Variants in RGPD4 observed in about 807,000 individuals in gnomAD.
The protein encoded by RGPD4 is ranBP2-like and GRIP domain-containing protein 4.
A neutral mutation model predicts 141.1 loss-of-function variants in RGPD4; 84 were observed. The observed-to-expected ratio is 0.60, with a 90% CI of 0.50 to 0.71. The LOEUF (loss-of-function observed/expected upper bound fraction) is 0.71. RGPD4 is among the 30% of genes least tolerant of loss of function. The probability of loss-of-function intolerance (pLI) is 0.00; values close to 1 mark genes in which losing one functional copy is unlikely to be tolerated. For missense variants in RGPD4, 918 were observed against 1,622.4 expected (o/e 0.57, Z 7.46); for synonymous variants, 298 against 566.8 (o/e 0.53, Z 6.74).
intron 1 of RGPD4, 102 bp from the exon 2 acceptor site, chr2:107,836,500 G>A (rs1380564702): frequency 1.4e-4 from 142 of 1,024,702 alleles, no homozygotes; most frequent in South Asian, 2.7e-4. Flanking sequence ...GAATGAAAAT[G>A]GCATATTTGA....
intron 6 of RGPD4, among the ~76,000 whole-genome samples, chr2:107,846,264 C>A (rs936225016): frequency 9.9e-5 from 15 of 150,838 alleles, no homozygotes; most frequent in Admixed American, 3.3e-4. Flanking sequence ...TCTACCTTGG[C>A]CTCCCAAAGT....
chr2:107,855,540 G>A lies in RGPD4; in HGVS notation c.1066+897G>A, dbSNP rs1010117163. On this transcript the variant is annotated intron_variant, in intron 8 of 22. Transcript: ENST00000408999. The stretch of plus-strand genomic sequence containing the variant: ...TTTATGTCTTTGATCTGGGCATCCC[G>A]AGGGTGCCTCTGTAAGTGTGCTGAG... 4.6e-5 allele frequency among the ~76,000 whole-genome samples: 7 copies of A among 151,868 alleles called. No individual in the cohort carries two copies. In the South Asian group the frequency reaches 8.3e-4, roughly 18 times the overall value.
chr2:107,852,283 ATGATT>A (rs1180863757), intron 7 of RGPD4, among the ~76,000 whole-genome samples: 1 of 151,476 alleles, frequency 6.6e-6, no homozygotes, highest in Non-Finnish European at 1.5e-5. Context: ...GTGAATTGAG[ATGATT>A]TGATTGAGTG....
intron 20 of RGPD4, among the ~76,000 whole-genome samples, chr2:107,878,396 A>G (rs551867113): frequency 7.0e-6 from 1 of 143,002 alleles, no homozygotes; most frequent in Admixed American, 6.9e-5. Flanking sequence ...GGGAGAAGGC[A>G]TGGGACAACT....
At chr2:107,849,435 C>T (rs1308498350) in intron 7 of RGPD4, among the ~76,000 whole-genome samples, 1 of 138,274 alleles carries the variant, frequency 7.2e-6, no homozygotes, top group Non-Finnish European at 1.5e-5. Context: ...GGCACGATCT[C>T]GGCTCACTGC....
chr2:107,826,953 G>A lies in RGPD4; in HGVS notation c.-61G>A. The A allele has an allele frequency of 6.4e-7, 1 of 1,556,302 alleles. No individual in the cohort carries two copies. The highest frequency in any genetic ancestry group is 8.7e-7 in the Non-Finnish European group (1 of 1,150,972). On this transcript the variant is annotated 5_prime_UTR_variant, in exon 1 of 23. Transcript: ENST00000408999. ...TTTCAGGCGCTTTCCTGTTGGAATT[G>A]GCGACTGCTGCGGGGCTGAGCGCTG...
At chr2:107,884,244 G>A in intron 22 of RGPD4, among the ~76,000 whole-genome samples, 1 of 152,006 alleles carries the variant, frequency 6.6e-6, no homozygotes, top group Admixed American at 6.6e-5. Flanking sequence ...CCAAGTAGCT[G>A]GGACTACAGA....
At chr2:107,845,862 C>G (rs1390864062) in intron 6 of RGPD4, among the ~76,000 whole-genome samples, 10 of 151,552 alleles carry the variant, frequency 6.6e-5, no homozygotes, top group Non-Finnish European at 1.5e-4. Context: ...CCGCGCCCAG[C>G]CCACACCTGG....
intron 1 of RGPD4, among the ~76,000 whole-genome samples, chr2:107,835,641 C>T (rs1257645650): frequency 1.3e-5 from 2 of 149,858 alleles, no homozygotes; most frequent in East Asian, 2.0e-4. Flanking sequence ...ACCTTTCCTC[C>T]CCAAAGAAAG....
intron 22 of RGPD4, among the ~76,000 whole-genome samples, chr2:107,887,624 A>G (rs1424151193): frequency 7.2e-6 from 1 of 138,294 alleles, no homozygotes; most frequent in African/African-American, 2.8e-5. Context: ...AGCGTGTTAC[A>G]ACTCTGCGTT....
rs1005046993 is a variant in RGPD4, at chr2:107,890,664, A to G, written c.5267-57A>G. 1.7e-5 allele frequency: 25 copies of G among 1,472,302 alleles called. No individual in the cohort carries two copies. The African/African-American group carries it at 2.8e-4, about 17-fold the overall frequency. The allele number at this position is 1,472,302 out of a possible 1,614,324, so 91.2% of individuals were successfully genotyped here. A position where few individuals can be genotyped will look rare whatever the true frequency, so the allele number is the denominator to read the frequency against. ...AGAGTGGTTCTAAAATATAGATTTT[A>G]CATTGAGAAATTTTAATACTCTCTT... On this transcript the variant is annotated intron_variant, in intron 22 of 22. Coordinates refer to ENST00000408999, the MANE Select transcript of RGPD4 (RefSeq NM_182588.3).
At chr2:107,829,853 G>A (rs887164747) in intron 1 of RGPD4, among the ~76,000 whole-genome samples, 1 of 152,064 alleles carries the variant, frequency 6.6e-6, no homozygotes, top group South Asian at 2.1e-4. Context: ...GCACCCGGGT[G>A]CTGTATCGGC....
chr2:107,845,692 T>G (rs1024534022), intron 6 of RGPD4, among the ~76,000 whole-genome samples: 1 of 152,252 alleles, frequency 6.6e-6, no homozygotes, highest in African/African-American at 2.4e-5. Flanking sequence ...GCCTCCTGAG[T>G]AGCTGGGACT....
chr2:107,872,038 T>C lies in RGPD4; in HGVS notation c.4034T>C (p.Val1345Ala), dbSNP rs759324994. 6.2e-7 allele frequency: 1 copy of C among 1,611,522 alleles called. No homozygotes were observed. The highest frequency in any genetic ancestry group is 1.1e-5 in the South Asian group (1 of 90,978). ...FEPVVPLPDL[V>A]EVSSGEENEK... ...CCTGTTGTTCCTTTACCTGATCTAG[T>C]TGAAGTATCCAGTGGTGAGGAAAAT... The change falls in exon 20 of 23, where the codon GTT (valine) becomes GCT (alanine). Residue 1345 changes from valine (V) to alanine (A), a missense_variant. Transcript: ENST00000408999.
intron 22 of RGPD4, among the ~76,000 whole-genome samples, chr2:107,883,960 A>G (rs911676610): frequency 7.9e-5 from 12 of 152,130 alleles, no homozygotes; most frequent in Non-Finnish European, 1.8e-4. Flanking sequence ...TTCTTTCCCC[A>G]GTGAATAATT....
At chr2:107,883,641 A>C (rs1403853978) in intron 22 of RGPD4, among the ~76,000 whole-genome samples, 4 of 16,620 alleles carry the variant, frequency 2.4e-4, no homozygotes, top group African/African-American at 1.8e-3. Flanking sequence ...AAAAAAAAAC[A>C]AAAACAAAAA....
chr2:107,854,348 G>A (rs1405388725), intron 7 of RGPD4, among the ~76,000 whole-genome samples: 1 of 151,922 alleles, frequency 6.6e-6, no homozygotes, highest in African/African-American at 2.4e-5. Context: ...GATTACAGGT[G>A]TGAGCCACCA....
intron 20 of RGPD4, 54 bp downstream of exon 20, chr2:107,872,982 G>A (rs1317979086): frequency 8.9e-7 from 1 of 1,119,032 alleles, no homozygotes; most frequent in Non-Finnish European, 1.2e-6. Flanking sequence ...TTAATGTTTA[G>A]CTTGATGCAG....
chr2:107,874,282 G>T (rs2104502849), intron 20 of RGPD4, among the ~76,000 whole-genome samples: 1 of 151,188 alleles, frequency 6.6e-6, no homozygotes, highest in Non-Finnish European at 1.5e-5. Context: ...TGTTGTATTT[G>T]AAAATGGACC....
Sources: gnomAD v4.1 joint callset for allele counts (sites outside exome capture counted in the v4.1 genomes callset) on GRCh38, gnomAD v4.1.1 for gene constraint, MANE v1.5 for transcripts, NCBI Gene and HGNC (gene_info 2026-07-23, HGNC 2026-07-21) for gene names.